The following DAB1 variants were observed in gnomAD, a reference collection of about 807,000 sequenced individuals.
DAB1 encodes DAB adaptor protein 1.
DAB1 carries 15 observed loss-of-function variants against 64.6 expected under a neutral mutation model. The ratio of observed to expected loss-of-function variants is 0.23; its 90% CI spans 0.16 to 0.36. DAB1 has a LOEUF of 0.36. Ranked by LOEUF, DAB1 falls within the 10% of genes least tolerant of loss-of-function variation. The pLI is 1.00. For synonymous variants in DAB1, 235 were observed against 251.9 expected (o/e 0.93, Z 0.64); for missense variants, 596 against 706.7 (o/e 0.84, Z 1.78).
In DAB1 at chr1:57,865,678, G is replaced by A. The variant is rs185319350; in HGVS notation, n.87+18321C>T. 9.9e-5 allele frequency among the ~76,000 whole-genome samples: 15 copies of A among 152,124 alleles called. 1 individual carries two copies. Among genetic ancestry groups the A allele is most frequent in the South Asian group, 4.2e-4 (2 of 4,816 alleles). ...TCACTATCCCCATCTGCTCGCGGCC[G>A]TGCTCTCAGGAAATCTCAACACATT... On this transcript the variant is annotated intron_variant and non_coding_transcript_variant, in intron 1 of 1. Coordinates refer to the DAB1 transcript ENST00000477280.
At chr1:57,315,153 T>C (rs1162358032) in intron 1 of DAB1, among the ~76,000 whole-genome samples, 8 of 152,216 alleles carry the variant, frequency 5.3e-5, no homozygotes, top group African/African-American at 1.7e-4. Flanking sequence ...TCTTGTCTTA[T>C]AGGTTTCCAC....
chr1:57,379,618 C>T lies in DAB1; in HGVS notation c.-137+44312G>A, dbSNP rs269040. ...AAGGTTGGAACCTGCCAGCCAGGTC[C>T]CAACATTCAACCAAGTGAGTGCCCC... On this transcript the variant is annotated intron_variant, in intron 1 of 14. Coordinates refer to ENST00000371236, the MANE Select transcript of DAB1 (RefSeq NM_001365792.1). Among the ~76,000 whole-genome samples the T allele has an allele frequency of 7.4e-3, 1,132 of 152,272 alleles. 17 individuals are homozygous for T. The highest frequency in any genetic ancestry group is 0.025 in the African/African-American group (1,046 of 41,554).
At chr1:58,209,490 C>T (rs1250000090) in intron 4 of DAB1, among the ~76,000 whole-genome samples, 1 of 152,054 alleles carries the variant, frequency 6.6e-6, no homozygotes, top group African/African-American at 2.4e-5. Flanking sequence ...GGTAAATATG[C>T]TAAGTAGCTA....
intron 6 of DAB1, among the ~76,000 whole-genome samples, chr1:57,789,213 C>T (rs926818621): frequency 2.0e-5 from 3 of 152,106 alleles, no homozygotes; most frequent in Non-Finnish European, 2.9e-5. Flanking sequence ...GCATGGGGTG[C>T]CTGCAAGGGA....
At chr1:57,844,739 A>G (rs1346758195) in intron 1 of DAB1, among the ~76,000 whole-genome samples, 1 of 152,168 alleles carries the variant, frequency 6.6e-6, no homozygotes, top group Non-Finnish European at 1.5e-5. Context: ...GGACAGGAAG[A>G]GAGAGATACT....
intron 7 of DAB1, among the ~76,000 whole-genome samples, chr1:57,465,745 T>A (rs1020761093): frequency 2.6e-5 from 4 of 152,196 alleles, no homozygotes; most frequent in African/African-American, 9.6e-5. Context: ...TTAATCTGTA[T>A]GTATGAAGAA....
chr1:57,438,375 A>G lies in DAB1; in HGVS notation n.626-147209T>C, dbSNP rs577633919. On this transcript the variant is annotated intron_variant and non_coding_transcript_variant, in intron 7 of 20. Transcript: ENST00000485760. ...TGAAAATAGGGTGGGTAAGGCTTGG[A>G]CTCACAAGATAGTGGTTTGTTTTTT... is the stretch of plus-strand genomic sequence containing the variant. Among the ~76,000 whole-genome samples the G allele has an allele frequency of 9.2e-5, 14 of 152,130 alleles. No homozygotes were observed. The South Asian group carries it at 1.5e-3, about 16-fold the overall frequency.
intron 5 of DAB1, among the ~76,000 whole-genome samples, chr1:58,011,286 G>A (rs1646664661): frequency 6.6e-6 from 1 of 152,196 alleles, no homozygotes; most frequent in Non-Finnish European, 1.5e-5. Flanking sequence ...ATTGGCCTGT[G>A]AAGCCATCTG....
chr1:57,463,744 T>G (rs2101186733), intron 7 of DAB1, among the ~76,000 whole-genome samples: 1 of 152,326 alleles, frequency 6.6e-6, no homozygotes, highest in East Asian at 1.9e-4. Context: ...CTTCTGTTTT[T>G]TCCCATGCTC....
At chr1:58,365,334 A>G (rs1644206883) in intron 3 of DAB1, among the ~76,000 whole-genome samples, 1 of 152,260 alleles carries the variant, frequency 6.6e-6, no homozygotes, top group South Asian at 2.1e-4. Context: ...CACTCAGACC[A>G]ACTCCTCAAG....
At chr1:57,049,519 C>CTA (rs1193788834) in intron 9 of DAB1, among the ~76,000 whole-genome samples, 2 of 66,538 alleles carry the variant, frequency 3.0e-5, no homozygotes, top group Admixed American at 3.9e-4. Flanking sequence ...ACTGACAGAG[C>CTA]CTACAGGGAG....
intron 5 of DAB1, among the ~76,000 whole-genome samples, chr1:58,015,386 A>G (rs74413104): frequency 0.035 from 5,268 of 152,042 alleles, 302 homozygotes; most frequent in African/African-American, 0.12. Context: ...CCCTCCCCCT[A>G]AACATGATAC....
chr1:57,187,746 G>T (rs1249255795), intron 2 of DAB1, among the ~76,000 whole-genome samples: 1 of 151,676 alleles, frequency 6.6e-6, no homozygotes, highest in Non-Finnish European at 1.5e-5. Flanking sequence ...CGTGAAGCTG[G>T]GATTCTACTC....
At chr1:57,042,021 G>A (rs185802095) in intron 9 of DAB1, among the ~76,000 whole-genome samples, 1 of 152,260 alleles carries the variant, frequency 6.6e-6, no homozygotes, top group East Asian at 1.9e-4. Context: ...AGATTAAGAG[G>A]AGACCATCAT....
At chr1:58,249,529 C>T (rs1040514058) in intron 4 of DAB1, among the ~76,000 whole-genome samples, 6 of 152,070 alleles carry the variant, frequency 3.9e-5, no homozygotes, top group Non-Finnish European at 7.3e-5. Context: ...AAATTACAGT[C>T]TTTGGGTAAG....
chr1:57,273,516 AGCCTGACTGCCT>A (rs753742753), intron 2 of DAB1, among the ~76,000 whole-genome samples: 1,861 of 135,012 alleles, frequency 0.014, 32 homozygotes, highest in East Asian at 0.1. Flanking sequence ...GCATCCACCA[AGCCTGACTGCCT>A]GCCTGCCTGC....
intron 7 of DAB1, among the ~76,000 whole-genome samples, chr1:57,443,446 A>G (rs1686026623): frequency 6.6e-6 from 1 of 152,154 alleles, no homozygotes; most frequent in Non-Finnish European, 1.5e-5. Flanking sequence ...ATATCTCTGG[A>G]TGTTTTTCCT....
At chr1:58,251,574 C>T (rs1660798221) in intron 4 of DAB1, among the ~76,000 whole-genome samples, 1 of 151,842 alleles carries the variant, frequency 6.6e-6, no homozygotes, top group South Asian at 2.1e-4. Flanking sequence ...GAGCCAAGGC[C>T]CTGAAGAAGG....
At chr1:57,233,164 A>C (rs1569988612) in intron 2 of DAB1, among the ~76,000 whole-genome samples, 1 of 150,534 alleles carries the variant, frequency 6.6e-6, no homozygotes, top group African/African-American at 2.4e-5. Context: ...CTTGGAATTC[A>C]CTGCTTTTTA....
Sources: gnomAD v4.1 joint callset for allele counts (sites outside exome capture counted in the v4.1 genomes callset) on GRCh38, gnomAD v4.1.1 for gene constraint, MANE v1.5 for transcripts, NCBI Gene and HGNC (gene_info 2026-07-23, HGNC 2026-07-21) for gene names.